SEC14L1: variants seen among roughly 807,000 people sequenced by gnomAD.
SEC14L1 encodes SEC14-like protein 1.
SEC14L1 carries 48 observed loss-of-function variants against 85.3 expected under a neutral mutation model. The observed-to-expected ratio is 0.56, with a 90% CI of 0.45 to 0.72. The LOEUF (loss-of-function observed/expected upper bound fraction) is 0.72. Among genes scored for constraint, SEC14L1 ranks in the 30% least tolerant of loss-of-function variants. The pLI is 0.00. For missense variants in SEC14L1, 682 were observed against 921.4 expected, an observed-to-expected ratio of 0.74 and a Z score of 3.36; for synonymous variants, 391 against 355.5, an observed-to-expected ratio of 1.10 and a Z score of -1.12.
intron 3 of SEC14L1, among the ~76,000 whole-genome samples, chr17:77,151,056 C>G (rs558905687): frequency 3.5e-4 from 53 of 152,206 alleles, no homozygotes; most frequent in African/African-American, 1.3e-3. Context: ...TGAAATACAT[C>G]TTTTCATTCA....
At chr17:77,211,892 G>A (rs944386142) in intron 14 of SEC14L1, 58 bp from the exon 15 acceptor site, 31 of 1,593,010 alleles carry the variant, frequency 1.9e-5, no homozygotes, top group Admixed American at 1.3e-4. Context: ...CGATGCGCTC[G>A]CAGCATGCCG....
At chr17:77,130,828 A>T (rs1972590628) in intron 3 of SEC14L1, among the ~76,000 whole-genome samples, 1 of 152,040 alleles carries the variant, frequency 6.6e-6, no homozygotes, top group Non-Finnish European at 1.5e-5. Context: ...CTGGTCTTGA[A>T]TTCCTGGGCT....
chr17:77,116,573 T>G (rs1972176120), intron 3 of SEC14L1, among the ~76,000 whole-genome samples: 1 of 152,222 alleles, frequency 6.6e-6, no homozygotes, highest in African/African-American at 2.4e-5. Context: ...GAGAGCCATG[T>G]GACGGACCTG....
intron 3 of SEC14L1, among the ~76,000 whole-genome samples, chr17:77,177,482 T>C (rs1974812030): frequency 1.3e-5 from 2 of 151,750 alleles, no homozygotes; most frequent in South Asian, 4.2e-4. Context: ...TAGTCTTGGC[T>C]GGAAATTCTT....
intron 3 of SEC14L1, among the ~76,000 whole-genome samples, chr17:77,165,514 G>C (rs1974244202): frequency 6.6e-6 from 1 of 152,100 alleles, no homozygotes; most frequent in Non-Finnish European, 1.5e-5. Flanking sequence ...GTGAGTAGAG[G>C]GGTGACTTTG....
Position 77,216,740 on chromosome 17 carries a change from C to G in SEC14L1, c.*2717C>G. 1 of 1,137,862 alleles carries G rather than the reference C, an allele frequency of 8.8e-7. No homozygotes were observed. The highest frequency in any genetic ancestry group is 2.1e-5 in the Admixed American group (1 of 47,706). 70.5% of individuals were successfully genotyped at this position (1,137,862 alleles called of 1,614,324 possible). On this transcript the variant is annotated 3_prime_UTR_variant, in exon 17 of 17. Coordinates refer to ENST00000436233, the MANE Select transcript of SEC14L1 (RefSeq NM_001143998.2). ...AGACTGTAGTGCATCTTGAAGAGCTCAAAGCACATGACCGCACAAATGCTT... is the reference window on the plus strand; with the variant it reads ...AGACTGTAGTGCATCTTGAAGAGCTGAAAGCACATGACCGCACAAATGCTT...
intron 10 of SEC14L1, among the ~76,000 whole-genome samples, chr17:77,204,834 AG>A (rs1976383062): frequency 6.6e-6 from 1 of 152,126 alleles, no homozygotes; most frequent in South Asian, 2.1e-4. Flanking sequence ...TCTACAGGGG[AG>A]GGGTTTATTA....
intron 3 of SEC14L1, chr17:77,185,321 G>T (rs1975218762): frequency 1.0e-6 from 1 of 985,348 alleles, no homozygotes; most frequent in African/African-American, 1.7e-5. Context: ...GGTCAGTGCA[G>T]CTTCTGAGTT....
Position 77,194,872 on chromosome 17 carries a change from A to G in SEC14L1, c.670A>G (p.Ser224Gly), listed in dbSNP as rs1277880138. The change falls in exon 7 of 17, where the codon AGC (serine) becomes GGC (glycine). Residue 224 changes from serine (S) to glycine (G), a missense_variant. Physicochemically the swap from Ser to Gly is moderately conservative, Grantham distance 56. Around this residue, in one of 3 missense-constraint regions of SEC14L1, gnomAD observed 123 missense variants for 100.6 expected, o/e 1.22. Coordinates refer to ENST00000436233, the MANE Select transcript of SEC14L1 (RefSeq NM_001143998.2). Reference protein sequence around the residue: ...KEGLSGDALSSPSAPEPVVGT... With the variant: ...KEGLSGDALSGPSAPEPVVGT... The stretch of plus-strand genomic sequence containing the variant: ...GGGGCTGAGTGGTGATGCCCTCAGC[A>G]GCCCCAGCGCACCTGAGCCCGTGGT... The G allele has an allele frequency of 6.2e-7, 1 of 1,614,056 alleles. No individual in the cohort carries two copies. The highest frequency in any genetic ancestry group is 8.5e-7 in the Non-Finnish European group (1 of 1,179,996).
At chr17:77,121,286 G>A (rs1972289045) in intron 3 of SEC14L1, among the ~76,000 whole-genome samples, 1 of 152,220 alleles carries the variant, frequency 6.6e-6, no homozygotes, top group Non-Finnish European at 1.5e-5. Context: ...GAAGTGGTAG[G>A]AGAGGCAGAA....
rs549548846 is a variant in SEC14L1, at chr17:77,160,531, C to A, written c.63+16872C>A. On this transcript the variant is annotated intron_variant, in intron 3 of 16. Coordinates refer to ENST00000436233, the MANE Select transcript of SEC14L1 (RefSeq NM_001143998.2). ...AAAAGCAAAGAGAAATAAAACCTTT[C>A]GTAGCCCTGTAGACATTCTTGTTTG... 2.5e-4 allele frequency among the ~76,000 whole-genome samples: 38 copies of A among 152,344 alleles called. 1 individual carries two copies. In the South Asian group the frequency reaches 6.8e-3, roughly 27 times the overall value.
In SEC14L1 at chr17:77,190,837, T is replaced by C. The variant is rs1459908475; in HGVS notation, c.98T>C (p.Ile33Thr). Residue 33 changes from isoleucine (I) to threonine (T), a missense_variant, in exon 4 of 17, where the codon ATT (isoleucine) becomes ACT (threonine). Physicochemically the swap from Ile to Thr is moderately conservative, Grantham distance 89. Coordinates refer to ENST00000436233, the MANE Select transcript of SEC14L1 (RefSeq NM_001143998.2). Reference sequence around the variant, plus strand: ...AGGAGGTTCCCTACATGTCCTTTGATTCCGATGTTCGTGGGCAGTGACACT... The same window carrying C: ...AGGAGGTTCCCTACATGTCCTTTGACTCCGATGTTCGTGGGCAGTGACACT... The part of the protein sequence containing the change: ...YERRFPTCPL[I>T]PMFVGSDTVN... The C allele has an allele frequency of 6.2e-7, 1 of 1,614,144 alleles. No homozygotes were observed. The highest frequency in any genetic ancestry group is 1.1e-5 in the South Asian group (1 of 91,096).
chr17:77,184,238 C>T (rs1975169802), intron 3 of SEC14L1, among the ~76,000 whole-genome samples: 1 of 152,180 alleles, frequency 6.6e-6, no homozygotes, highest in African/African-American at 2.4e-5. Flanking sequence ...AGGTGGTGCC[C>T]ATGAGATCTT....
chr17:77,130,403 A>G lies in SEC14L1; in HGVS notation c.-135-12243A>G, dbSNP rs1371823011. 2.8e-5 allele frequency among the ~76,000 whole-genome samples: 4 copies of G among 141,178 alleles called. No individual in the cohort carries two copies. The South Asian group carries it at 6.7e-4, about 24-fold the overall frequency. The allele number at this position is 141,178 out of a possible 152,430, so 92.6% of individuals were successfully genotyped here. ...GCTGTCTCGGCTCACTGCAACCTCCACCTCCTGAGTTCAAGTGATTCTCAT... is the reference window on the plus strand; with the variant it reads ...GCTGTCTCGGCTCACTGCAACCTCCGCCTCCTGAGTTCAAGTGATTCTCAT... On this transcript the variant is annotated intron_variant, in intron 3 of 19. Coordinates refer to the SEC14L1 transcript ENST00000392476.
chr17:77,172,835 C>G (rs1466543789), intron 3 of SEC14L1, among the ~76,000 whole-genome samples: 1 of 152,104 alleles, frequency 6.6e-6, no homozygotes, highest in Non-Finnish European at 1.5e-5. Flanking sequence ...TTTTTGAGTT[C>G]CTTTAATTAT....
Position 77,211,971 on chromosome 17 carries a change from G to T in SEC14L1, c.1633G>T (p.Ala545Ser). 1 of 1,614,092 alleles carries T rather than the reference G, an allele frequency of 6.2e-7. No homozygotes were observed. Among genetic ancestry groups the T allele is most frequent in the Non-Finnish European group, 8.5e-7 (1 of 1,180,012 alleles). Residue 545 changes from alanine (A) to serine (S), a missense_variant, in exon 15 of 17, where the codon GCC becomes TCC. Ala to Ser is a moderately conservative substitution (Grantham distance 99, BLOSUM62 1). This residue lies in a region of SEC14L1 where 420 missense variants were observed against 619.5 expected (regional missense o/e 0.68). Transcript: ENST00000436233. ...PHEILIQIVD[A>S]SSVITWDFDV... ...TCAGATTCTCATTCAGATTGTGGAT[G>T]CCTCGTCAGTCATCACTTGGGATTT...
intron 3 of SEC14L1, among the ~76,000 whole-genome samples, chr17:77,188,732 T>C (rs1975387339): frequency 6.6e-6 from 1 of 152,204 alleles, no homozygotes; most frequent in Non-Finnish European, 1.5e-5. Flanking sequence ...TCTGGAGTGG[T>C]TGCACCATTT....
intron 10 of SEC14L1, among the ~76,000 whole-genome samples, chr17:77,203,972 G>C (rs1167224897): frequency 6.6e-6 from 1 of 151,934 alleles, no homozygotes; most frequent in Non-Finnish European, 1.5e-5. Context: ...CAGACCTCTT[G>C]ATAGCATTCT....
At chr17:77,209,014 C>T (rs905958465) in intron 13 of SEC14L1, among the ~76,000 whole-genome samples, 5 of 152,154 alleles carry the variant, frequency 3.3e-5, no homozygotes, top group African/African-American at 1.2e-4. Flanking sequence ...TAATACTTTT[C>T]CTTTACAGGG....
Sources: gnomAD v4.1 joint callset for allele counts (sites outside exome capture counted in the v4.1 genomes callset) on GRCh38, gnomAD v4.1.1 for gene constraint, gnomAD v4.1.1 regional missense constraint, MANE v1.5 for transcripts, NCBI Gene and HGNC (gene_info 2026-07-23, HGNC 2026-07-21) for gene names.